Variants in GALNT5 observed in about 807,000 individuals in gnomAD.
GALNT5 encodes polypeptide N-acetylgalactosaminyltransferase 5, also known as UDP-GalNAc:polypeptide N-acetylgalactosaminyltransferase 5.
In GALNT5, 72 loss-of-function variants were observed where a neutral mutation model predicts 85.4. The observed-to-expected ratio is 0.84, with a 90% confidence interval of 0.70 to 1.03. The LOEUF (loss-of-function observed/expected upper bound fraction) is 1.03. Among genes scored for constraint, GALNT5 ranks in the 50% least tolerant of loss-of-function variants. The pLI, the probability that GALNT5 is intolerant of heterozygous loss-of-function variation, is 0.00. For synonymous variants in GALNT5, 404 were observed against 397.0 expected (o/e 1.02, Z -0.21); for missense variants, 1,137 against 1,135.5 (o/e 1.00, Z -0.02).
chr2:157,264,863 A>G, intron 1 of GALNT5, among the ~76,000 whole-genome samples: 1 of 152,334 alleles, frequency 6.6e-6, no homozygotes, highest in South Asian at 2.1e-4. Context: ...CTTTAAAGTT[A>G]AATTAAATTT....
Position 157,316,287 on chromosome 2 carries a change from C to T in GALNT5, c.*4939C>T, listed in dbSNP as rs1255900820. ...ACTTGCAACTTGACTTTTCAGGCTG[C>T]TTTTTGTTAGAAAATAAGTGGCTTG... is the stretch of plus-strand genomic sequence containing the variant. On this transcript the variant is annotated 3_prime_UTR_variant, in exon 10 of 10. Transcript: ENST00000259056. Among the ~76,000 whole-genome samples, 1 of 151,866 alleles carries T rather than the reference C, an allele frequency of 6.6e-6. No individual in the cohort carries two copies. Among genetic ancestry groups the T allele is most frequent in the Non-Finnish European group, 1.5e-5 (1 of 67,950 alleles).
In GALNT5 at chr2:157,300,618, T is replaced by G. The variant is rs1683320316; in HGVS notation, c.2116-58T>G. On this transcript the variant is annotated intron_variant, in intron 6 of 9. Coordinates refer to ENST00000259056, the MANE Select transcript of GALNT5 (RefSeq NM_014568.3). ...AAGGTGGTTTCTTGTCATTGTTAAG[T>G]GCCGATGATTTGTGGATAATCATTT... The G allele has an allele frequency of 2.2e-5, 30 of 1,339,716 alleles. No individual in the cohort carries two copies. In the South Asian group the frequency reaches 3.1e-4, roughly 14 times the overall value. 83.0% of individuals were successfully genotyped at this position (1,339,716 alleles called of 1,614,324 possible).
intron 2 of GALNT5, among the ~76,000 whole-genome samples, chr2:157,285,575 G>A (rs1192814562): frequency 6.6e-6 from 1 of 152,178 alleles, no homozygotes; most frequent in Non-Finnish European, 1.5e-5. Flanking sequence ...TGTAATGGAA[G>A]GGGATGTCAG....
At chr2:157,277,358 CA>C (rs1305249359) in intron 1 of GALNT5, among the ~76,000 whole-genome samples, 1 of 152,158 alleles carries the variant, frequency 6.6e-6, no homozygotes, top group African/African-American at 2.4e-5. Context: ...GAGCTGAGTT[CA>C]AGTCCTGGAT....
chr2:157,259,266 AC>A lies in GALNT5; in HGVS notation c.1185del (p.Asn395LysfsTer2). The A allele has an allele frequency of 6.2e-7, 1 of 1,611,570 alleles. No individual in the cohort carries two copies. Among genetic ancestry groups the A allele is most frequent in the Non-Finnish European group, 8.5e-7 (1 of 1,178,978 alleles). The part of the protein sequence containing the change: ...LTGGLEPAKI[N>X]ITAKAPSTEY... Reference sequence around the variant, plus strand: ...GGAGGGCTAGAGCCAGCAAAAATCAACATAACTGCCAAAGCCCCCTCTACAG... The same window carrying A: ...GGAGGGCTAGAGCCAGCAAAAATCAAATAACTGCCAAAGCCCCCTCTACAG... On this transcript the variant is annotated frameshift_variant, in exon 1 of 10. Coordinates refer to ENST00000259056, the MANE Select transcript of GALNT5 (RefSeq NM_014568.3). LOFTEE classifies it high-confidence loss of function.
intron 9 of GALNT5, among the ~76,000 whole-genome samples, chr2:157,310,690 C>G (rs1683550313): frequency 6.6e-6 from 1 of 152,078 alleles, no homozygotes; most frequent in African/African-American, 2.4e-5. Context: ...TTCTTTAATG[C>G]TGTTGACTTT....
chr2:157,283,772 C>A (rs1261932942), intron 1 of GALNT5, among the ~76,000 whole-genome samples: 1 of 152,144 alleles, frequency 6.6e-6, no homozygotes, highest in Admixed American at 6.5e-5. Context: ...TCATAAATTC[C>A]TGTGCCAGGA....
Position 157,279,557 on chromosome 2 carries a change from C to T in GALNT5, c.1455-4725C>T, listed in dbSNP as rs950356635. 5.3e-4 allele frequency among the ~76,000 whole-genome samples: 80 copies of T among 152,330 alleles called. 1 individual carries two copies. The highest frequency in any genetic ancestry group is 9.6e-4 in the East Asian group (5 of 5,182). ...CCCTCCCCGAGCCAGGCTGCCGCCT[C>T]CCAGTTTGATCTCAGACTGCTGTGC... On this transcript the variant is annotated intron_variant, in intron 1 of 9. Coordinates refer to ENST00000259056, the MANE Select transcript of GALNT5 (RefSeq NM_014568.3).
intron 8 of GALNT5, among the ~76,000 whole-genome samples, chr2:157,306,488 C>T (rs1400790956): frequency 6.6e-6 from 1 of 152,180 alleles, no homozygotes; most frequent in African/African-American, 2.4e-5. Context: ...AGACTCCTTC[C>T]ACAGTGCTGG....
rs570298864 is a variant in GALNT5 at position 157,299,216 on chromosome 2, A to AAT, written c.1998-322_1998-321dup. On this transcript the variant is annotated intron_variant, in intron 5 of 9. Coordinates refer to ENST00000259056, the MANE Select transcript of GALNT5 (RefSeq NM_014568.3). ...AGATTTTTTGTGAAGTCTGGGCTGGAATATATATATAATACTTACAATAGT... is the reference window on the plus strand; with the variant it reads ...AGATTTTTTGTGAAGTCTGGGCTGGAATATATATATATAATACTTACAATAGT... 47 of 164,260 alleles carry AAT rather than the reference A, an allele frequency of 2.9e-4. No homozygotes were observed. In the East Asian group the frequency reaches 4.4e-3, roughly 15 times the overall value. 10.2% of individuals were successfully genotyped at this position (164,260 alleles called of 1,614,324 possible).
At chr2:157,284,926 G>A (rs1682939064) in intron 2 of GALNT5, among the ~76,000 whole-genome samples, 1 of 152,162 alleles carries the variant, frequency 6.6e-6, no homozygotes, top group African/African-American at 2.4e-5. Flanking sequence ...TTGCCAATAG[G>A]ACAAGAGAGA....
At chr2:157,293,461 T>TA (rs777535677) in intron 3 of GALNT5, among the ~76,000 whole-genome samples, 5 of 152,182 alleles carry the variant, frequency 3.3e-5, no homozygotes, top group Non-Finnish European at 5.9e-5. Flanking sequence ...ACTGTCATCT[T>TA]AGGGTTAGGT....
intron 1 of GALNT5, among the ~76,000 whole-genome samples, chr2:157,268,843 A>T (rs2105152123): frequency 6.6e-6 from 1 of 152,270 alleles, no homozygotes; most frequent in East Asian, 1.9e-4. Context: ...GGACCAGTAG[A>T]CTCTAAATAC....
chr2:157,298,938 AAGACCGGAAG>A (rs1401348576), intron 5 of GALNT5: 1 of 618 alleles, frequency 1.6e-3, no homozygotes, highest in Non-Finnish European at 5.0e-3. Flanking sequence ...CCCTTGACGG[AAGACCGGAAG>A]ACCGGAAGAC....
chr2:157,291,637 C>CCA (rs1553463142), intron 3 of GALNT5, among the ~76,000 whole-genome samples: 1 of 135,842 alleles, frequency 7.4e-6, no homozygotes, highest in Non-Finnish European at 1.6e-5. Flanking sequence ...CCACCCACCC[C>CCA]CCCCCAGATT....
At position 157,257,774 on chromosome 2, in the gene GALNT5, T is replaced by TA. The variant is rs775334756; in HGVS notation, c.-308dup. 38 of 293,886 alleles carry TA rather than the reference T, an allele frequency of 1.3e-4. No homozygotes were observed. The highest frequency in any genetic ancestry group is 2.2e-4 in the Non-Finnish European group (34 of 157,032). The allele number at this position is 293,886 out of a possible 1,614,324, so 18.2% of individuals were successfully genotyped here. Reference sequence around the variant, plus strand: ...GGGCTCCCGGAGACAAGACAAGTGATATGTTGAACTGTTCGGTGGCTGGAA... The same window carrying TA: ...GGGCTCCCGGAGACAAGACAAGTGATAATGTTGAACTGTTCGGTGGCTGGAA... On this transcript the variant is annotated 5_prime_UTR_variant, in exon 1 of 10. It adds an upstream start codon to the 5' untranslated region. Coordinates refer to ENST00000259056, the MANE Select transcript of GALNT5 (RefSeq NM_014568.3).
chr2:157,274,247 G>C (rs1448200826), intron 1 of GALNT5, among the ~76,000 whole-genome samples: 1 of 152,172 alleles, frequency 6.6e-6, no homozygotes, highest in Admixed American at 6.5e-5. Context: ...TTGGTTCCAA[G>C]TCTTTACAAT....
At chr2:157,261,450 T>C (rs1236066522) in intron 1 of GALNT5, among the ~76,000 whole-genome samples, 1 of 152,242 alleles carries the variant, frequency 6.6e-6, no homozygotes, top group African/African-American at 2.4e-5. Flanking sequence ...TGAAGGAGGT[T>C]GTCCCAACTG....
Position 157,308,739 on chromosome 2 carries a change from G to A in GALNT5, c.2682+11G>A. 2 of 1,599,718 alleles carry A rather than the reference G, an allele frequency of 1.3e-6. No individual in the cohort carries two copies. Among genetic ancestry groups the A allele is most frequent in the Non-Finnish European group, 1.7e-6 (2 of 1,173,064 alleles). On this transcript the variant is annotated intron_variant, in intron 9 of 9. Coordinates refer to ENST00000259056, the MANE Select transcript of GALNT5 (RefSeq NM_014568.3). ...TTTCATCCAGAACTGGTAAGCAAAA[G>A]ATTGGTACCTCTTCTTTACCACAAA...
Sources: allele counts gnomAD v4.1 joint callset (sites outside exome capture counted in the v4.1 genomes callset), GRCh38; gene constraint gnomAD v4.1.1; transcripts MANE v1.5; gene names NCBI Gene and HGNC (gene_info 2026-07-23, HGNC 2026-07-21).